The following TAFA4 variants were observed in gnomAD, a reference collection of about 807,000 sequenced individuals.
TAFA4 encodes TAFA chemokine like family member 4, also known as chemokine-like protein TAFA-4.
In TAFA4, 20 loss-of-function variants were observed where a neutral mutation model predicts 21.1. The ratio of observed to expected loss-of-function variants is 0.95; its 90% CI spans 0.67 to 1.38. The LOEUF (loss-of-function observed/expected upper bound fraction) is 1.38, where lower values mean the gene tolerates loss of function less well. Among genes scored for constraint, TAFA4 ranks in the 40% most tolerant of loss-of-function variants. TAFA4 has a pLI of 0.00. For synonymous variants in TAFA4, 71 were observed against 67.4 expected (o/e 1.05, Z -0.26); for missense variants, 211 against 180.9 (o/e 1.17, Z -0.95).
At chr3:68,769,419 C>T (rs1472520323) in intron 3 of TAFA4, among the ~76,000 whole-genome samples, 1 of 152,172 alleles carries the variant, frequency 6.6e-6, no homozygotes, top group Non-Finnish European at 1.5e-5. Flanking sequence ...ATTCCCCAAA[C>T]CATCCTCCCA....
At chr3:68,882,275 C>T (rs2089627546) in intron 2 of TAFA4, among the ~76,000 whole-genome samples, 1 of 151,910 alleles carries the variant, frequency 6.6e-6, no homozygotes, top group Non-Finnish European at 1.5e-5. Flanking sequence ...AAACTGGAAG[C>T]CAGGGTATCT....
intron 3 of TAFA4, among the ~76,000 whole-genome samples, chr3:68,861,445 G>T (rs1286032865): frequency 6.6e-6 from 1 of 151,844 alleles, no homozygotes; most frequent in Non-Finnish European, 1.5e-5. Context: ...ATCTTCTTTT[G>T]CCAGGCATCT....
chr3:68,750,194 G>C (rs965922988), intron 4 of TAFA4, among the ~76,000 whole-genome samples: 1 of 152,206 alleles, frequency 6.6e-6, no homozygotes, highest in African/African-American at 2.4e-5. Context: ...CACTTTGGGA[G>C]GCAGAGGTAG....
chr3:68,761,364 A>T (rs1702752945), intron 3 of TAFA4, among the ~76,000 whole-genome samples: 1 of 152,246 alleles, frequency 6.6e-6, no homozygotes, highest in Non-Finnish European at 1.5e-5. Flanking sequence ...TCTTCCTTGA[A>T]GATCTTTCAT....
At chr3:68,926,594 C>T (rs981620758) in intron 1 of TAFA4, among the ~76,000 whole-genome samples, 1 of 152,136 alleles carries the variant, frequency 6.6e-6, no homozygotes, top group Non-Finnish European at 1.5e-5. Context: ...TTCTCAACTG[C>T]AGCATTCCTG....
chr3:68,849,902 G>A (rs1704903650), intron 3 of TAFA4, among the ~76,000 whole-genome samples: 1 of 152,068 alleles, frequency 6.6e-6, no homozygotes. Context: ...GTCCTTCGAA[G>A]GATTTTTTTT....
In TAFA4 at chr3:68,852,301, G is replaced by A. The variant is rs112141245; in HGVS notation, c.130+28429C>T. Among the ~76,000 whole-genome samples the A allele has an allele frequency of 7.9e-3, 1,206 of 152,242 alleles. 13 individuals are homozygous for A. The highest frequency in any genetic ancestry group is 0.027 in the African/African-American group (1,129 of 41,554). ...TTAATGAGTTTGGAGGATAAACTGA[G>A]CCTGGGACTTTCTTCTCCCTCTCTG... On this transcript the variant is annotated intron_variant, in intron 3 of 5. Coordinates refer to ENST00000295569, the MANE Select transcript of TAFA4 (RefSeq NM_182522.5).
At chr3:68,791,604 G>A (rs927710251) in intron 3 of TAFA4, among the ~76,000 whole-genome samples, 4 of 152,224 alleles carry the variant, frequency 2.6e-5, no homozygotes, top group Non-Finnish European at 5.9e-5. Flanking sequence ...TCTTTATAAC[G>A]TATCATCACT....
At chr3:68,839,639 C>T (rs1704610320) in intron 3 of TAFA4, among the ~76,000 whole-genome samples, 1 of 152,162 alleles carries the variant, frequency 6.6e-6, no homozygotes, top group Non-Finnish European at 1.5e-5. Context: ...AAAAATCATT[C>T]AAATTCCTCT....
intron 3 of TAFA4, among the ~76,000 whole-genome samples, chr3:68,866,013 T>C (rs952093639): frequency 1.3e-5 from 2 of 152,108 alleles, no homozygotes; most frequent in Non-Finnish European, 2.9e-5. Context: ...CCAAACCATC[T>C]TGGGTTCTTG....
intron 1 of TAFA4, among the ~76,000 whole-genome samples, chr3:68,914,544 G>A (rs1219900437): frequency 6.6e-6 from 1 of 150,736 alleles, no homozygotes; most frequent in African/African-American, 2.4e-5. Flanking sequence ...GTAACTAAGA[G>A]TTTTAAAGTT....
intron 3 of TAFA4, among the ~76,000 whole-genome samples, chr3:68,874,428 C>G (rs1170592982): frequency 6.6e-6 from 1 of 152,088 alleles, no homozygotes; most frequent in Non-Finnish European, 1.5e-5. Flanking sequence ...CCTGCTGTTT[C>G]TTTTTACCAA....
At chr3:68,898,106 G>A (rs2089810325) in intron 1 of TAFA4, among the ~76,000 whole-genome samples, 1 of 152,136 alleles carries the variant, frequency 6.6e-6, no homozygotes. Flanking sequence ...GAAGGACAAG[G>A]TGAAAAAGGG....
At chr3:68,823,168 G>A (rs942955626) in intron 3 of TAFA4, among the ~76,000 whole-genome samples, 1 of 151,984 alleles carries the variant, frequency 6.6e-6, no homozygotes, top group African/African-American at 2.4e-5. Flanking sequence ...GGCTTGAAGG[G>A]GTCGACAGAA....
At chr3:68,912,613 T>C (rs1273823976) in intron 1 of TAFA4, among the ~76,000 whole-genome samples, 1 of 152,214 alleles carries the variant, frequency 6.6e-6, no homozygotes, top group Non-Finnish European at 1.5e-5. Context: ...TGTGTGCCGC[T>C]GCATTCAAAG....
chr3:68,736,091 A>C (rs1482994335), intron 5 of TAFA4, among the ~76,000 whole-genome samples: 1 of 152,116 alleles, frequency 6.6e-6, no homozygotes, highest in East Asian at 1.9e-4. Context: ...AAAGTCTAAA[A>C]TGTCTTAAGA....
intron 3 of TAFA4, among the ~76,000 whole-genome samples, chr3:68,783,750 A>AAAGAAAGAAAGAAAGAAAGAAAGAAAGT (rs1293659540): frequency 1.3e-4 from 19 of 146,290 alleles, no homozygotes; most frequent in Non-Finnish European, 2.4e-4. Flanking sequence ...AGAAAGTAAG[A>AAAGAAAGAAAGAAAGAAAGAAAGAAAGT]AAGAAAGAAA....
intron 1 of TAFA4, among the ~76,000 whole-genome samples, chr3:68,920,801 C>T (rs2090053474): frequency 6.6e-6 from 1 of 152,046 alleles, no homozygotes; most frequent in Admixed American, 6.6e-5. Flanking sequence ...GCAGACAGTA[C>T]CACCCACACA....
intron 1 of TAFA4, among the ~76,000 whole-genome samples, chr3:68,930,138 T>C (rs952473429): frequency 6.6e-6 from 1 of 152,208 alleles, no homozygotes; most frequent in African/African-American, 2.4e-5. Flanking sequence ...GTTTCTTCTT[T>C]TTCTTTTTTA....
Sources: gnomAD v4.1 joint callset for allele counts (sites outside exome capture counted in the v4.1 genomes callset) on GRCh38, gnomAD v4.1.1 for gene constraint, MANE v1.5 for transcripts, NCBI Gene and HGNC (gene_info 2026-07-23, HGNC 2026-07-21) for gene names.